Variants in CSMD1 observed in about 807,000 individuals in gnomAD.
CSMD1 encodes the protein CUB and sushi domain-containing protein 1.
In CSMD1, 213 loss-of-function variants were observed where a neutral mutation model predicts 417.5. The observed-to-expected ratio is 0.51, with a 90% CI of 0.46 to 0.57. The LOEUF (loss-of-function observed/expected upper bound fraction) is 0.57, where lower values mean the gene tolerates loss of function less well. CSMD1 is among the 20% of genes least tolerant of loss of function. CSMD1 has a pLI of 0.00. For synonymous variants in CSMD1, 2,862 were observed against 1,736.8 expected (o/e 1.65, Z -16.11); for missense variants, 6,923 against 4,529.7 (o/e 1.53, Z -15.17).
chr8:3,769,869 T>C (rs1203917585), intron 5 of CSMD1, among the ~76,000 whole-genome samples: 1 of 152,230 alleles, frequency 6.6e-6, no homozygotes, highest in East Asian at 1.9e-4. Flanking sequence ...GAAAAACGTA[T>C]GTGTCAGAAG....
chr8:4,042,255 C>A (rs548907764), intron 3 of CSMD1, among the ~76,000 whole-genome samples: 1 of 152,040 alleles, frequency 6.6e-6, no homozygotes, highest in African/African-American at 2.4e-5. Flanking sequence ...CTAAATACAG[C>A]AATGAAGAAA....
chr8:3,957,022 T>G (rs918531714), intron 5 of CSMD1, among the ~76,000 whole-genome samples: 3 of 151,998 alleles, frequency 2.0e-5, no homozygotes, highest in South Asian at 4.2e-4. Context: ...AAGTAGAGAG[T>G]GACAGGCCTA....
At chr8:3,920,583 T>A (rs1809171992) in intron 5 of CSMD1, among the ~76,000 whole-genome samples, 1 of 152,158 alleles carries the variant, frequency 6.6e-6, no homozygotes, top group South Asian at 2.1e-4. Flanking sequence ...GCTTTCAGCT[T>A]TTCATCATTA....
chr8:3,838,557 G>T (rs1157503275), intron 5 of CSMD1, among the ~76,000 whole-genome samples: 1 of 135,118 alleles, frequency 7.4e-6, no homozygotes, highest in African/African-American at 2.8e-5. Context: ...ACTCTCTGTA[G>T]ATATATATAG....
intron 10 of CSMD1, among the ~76,000 whole-genome samples, chr8:3,516,512 T>C (rs1024854730): frequency 2.0e-5 from 3 of 152,216 alleles, no homozygotes; most frequent in African/African-American, 7.2e-5. Flanking sequence ...GCTACTCCTC[T>C]CATTACACCT....
chr8:4,318,009 G>C (rs923618561), intron 3 of CSMD1, among the ~76,000 whole-genome samples: 4 of 152,124 alleles, frequency 2.6e-5, no homozygotes, highest in African/African-American at 7.2e-5. Flanking sequence ...TATACAATTA[G>C]AATCCAGGAG....
chr8:3,230,664 G>A (rs772141704), intron 26 of CSMD1, among the ~76,000 whole-genome samples: 6 of 152,042 alleles, frequency 3.9e-5, no homozygotes, highest in Non-Finnish European at 7.4e-5. Flanking sequence ...GCCTTCAAAG[G>A]TGATCCAATA....
At chr8:3,894,672 T>C (rs1028645667) in intron 5 of CSMD1, among the ~76,000 whole-genome samples, 14 of 152,298 alleles carry the variant, frequency 9.2e-5, no homozygotes, top group African/African-American at 1.2e-4. Flanking sequence ...GAGAGTCTAA[T>C]TGAAAAGTTC....
intron 3 of CSMD1, among the ~76,000 whole-genome samples, chr8:4,257,210 TTTA>T (rs1334980496): frequency 6.6e-6 from 1 of 152,166 alleles, no homozygotes; most frequent in Non-Finnish European, 1.5e-5. Flanking sequence ...GCATGAGAGT[TTTA>T]TTGAAAGAGA....
intron 2 of CSMD1, among the ~76,000 whole-genome samples, chr8:4,531,384 C>T (rs1470622707): frequency 6.6e-6 from 1 of 152,142 alleles, no homozygotes; most frequent in Admixed American, 6.5e-5. Context: ...TGGAAAAAGT[C>T]TTGAAGTCAG....
chr8:4,542,811 T>G (rs1358114), intron 2 of CSMD1, among the ~76,000 whole-genome samples: 1 of 151,972 alleles, frequency 6.6e-6, no homozygotes, highest in African/African-American at 2.4e-5. Context: ...AAATATAACA[T>G]GATTATATTA....
At position 4,270,990 on chromosome 8, in the gene CSMD1, G is replaced by A. The variant is rs142992859; in HGVS notation, c.415+148963C>T. ...ACCGCGTTCACTCTTTACTGAGATT[G>A]CATTTTAAATTGTTATGAGAGCAGG... is the stretch of plus-strand genomic sequence containing the variant. On this transcript the variant is annotated intron_variant, in intron 3 of 69. Transcript: ENST00000635120. Among the ~76,000 whole-genome samples the A allele has an allele frequency of 3.1e-3, 466 of 152,276 alleles. 1 individual carries two copies. Among genetic ancestry groups the A allele is most frequent in the African/African-American group, 9.8e-3 (408 of 41,548 alleles).
chr8:3,706,329 G>T (rs915163409), intron 7 of CSMD1, among the ~76,000 whole-genome samples: 6 of 152,334 alleles, frequency 3.9e-5, no homozygotes, highest in African/African-American at 1.4e-4. Flanking sequence ...TTGAATGCTT[G>T]CCTGTCGCTT....
intron 1 of CSMD1, among the ~76,000 whole-genome samples, chr8:4,734,650 T>C (rs1810112440): frequency 6.6e-6 from 1 of 152,218 alleles, no homozygotes; most frequent in African/African-American, 2.4e-5. Flanking sequence ...ACTTTTTTTA[T>C]TTTAACAATG....
At chr8:3,794,490 A>G (rs1799931616) in intron 5 of CSMD1, among the ~76,000 whole-genome samples, 1 of 152,002 alleles carries the variant, frequency 6.6e-6, no homozygotes, top group Admixed American at 6.6e-5. Flanking sequence ...TTTCATAGCT[A>G]CTCTCTGCAT....
chr8:4,738,073 C>G (rs1006036681), intron 1 of CSMD1, among the ~76,000 whole-genome samples: 3 of 152,210 alleles, frequency 2.0e-5, no homozygotes, highest in Non-Finnish European at 2.9e-5. Context: ...GATAAGATTA[C>G]ATGCCAACAC....
intron 3 of CSMD1, among the ~76,000 whole-genome samples, chr8:4,053,380 G>A (rs963131982): frequency 7.9e-5 from 12 of 151,628 alleles, no homozygotes; most frequent in Non-Finnish European, 1.6e-4. Flanking sequence ...CAGACAGTGT[G>A]TGCGCTGACT....
chr8:3,263,430 A>T (rs1304661190), intron 26 of CSMD1, among the ~76,000 whole-genome samples: 2 of 152,144 alleles, frequency 1.3e-5, no homozygotes, highest in African/African-American at 4.8e-5. Flanking sequence ...TTGTATTCTA[A>T]TTCCCCTATG....
chr8:4,296,594 T>C (rs1054463271), intron 3 of CSMD1, among the ~76,000 whole-genome samples: 2 of 136,978 alleles, frequency 1.5e-5, no homozygotes, highest in Admixed American at 8.0e-5. Context: ...GGCAGGTACA[T>C]TTACTTCATA....
Sources: gnomAD v4.1 joint callset for allele counts (sites outside exome capture counted in the v4.1 genomes callset) on GRCh38, gnomAD v4.1.1 for gene constraint, MANE v1.5 for transcripts, NCBI Gene and HGNC (gene_info 2026-07-23, HGNC 2026-07-21) for gene names.